Variants in ZNF385D observed in about 807,000 individuals in gnomAD.
The protein encoded by ZNF385D is zinc finger protein 385D.
In ZNF385D, 15 loss-of-function variants were observed where a neutral mutation model predicts 35.8. That is an observed-to-expected ratio of 0.42 (90% CI 0.28 to 0.64). The LOEUF (loss-of-function observed/expected upper bound fraction) is 0.64. ZNF385D is among the 30% of genes least tolerant of loss of function. The probability of loss-of-function intolerance (pLI) is 0.23; values close to 1 mark genes in which losing one functional copy is unlikely to be tolerated. For missense variants in ZNF385D, 474 were observed against 494.6 expected (o/e 0.96, Z 0.39); for synonymous variants, 212 against 186.8 (o/e 1.13, Z -1.10).
intron 3 of ZNF385D, among the ~76,000 whole-genome samples, chr3:21,797,337 A>C (rs1305655451): frequency 6.6e-6 from 1 of 152,194 alleles, no homozygotes; most frequent in Non-Finnish European, 1.5e-5. Context: ...CACTAACAAC[A>C]TGAAACATTG....
At chr3:22,214,264 G>A (rs1697711482) in intron 2 of ZNF385D, among the ~76,000 whole-genome samples, 1 of 152,014 alleles carries the variant, frequency 6.6e-6, no homozygotes, top group Non-Finnish European at 1.5e-5. Flanking sequence ...GATTTCCTAT[G>A]CCTGTCTTTA....
chr3:21,897,433 G>A (rs1482839384), intron 3 of ZNF385D, among the ~76,000 whole-genome samples: 4 of 152,240 alleles, frequency 2.6e-5, no homozygotes, highest in South Asian at 2.1e-4. Flanking sequence ...GACTGTGGCG[G>A]CTATCCTTAT....
chr3:21,885,992 A>C (rs572371864), intron 3 of ZNF385D, among the ~76,000 whole-genome samples: 2 of 152,268 alleles, frequency 1.3e-5, no homozygotes, highest in African/African-American at 4.8e-5. Flanking sequence ...CCACTGATTT[A>C]AGTGTTAATC....
chr3:21,762,171 TCA>T (rs772373518), intron 3 of ZNF385D, among the ~76,000 whole-genome samples: 3 of 152,008 alleles, frequency 2.0e-5, no homozygotes, highest in Non-Finnish European at 4.4e-5. Flanking sequence ...GTCGCTGTGC[TCA>T]GTCTGTCTTC....
intron 2 of ZNF385D, among the ~76,000 whole-genome samples, chr3:22,292,430 TTTAA>T (rs1327416454): frequency 6.6e-6 from 1 of 152,106 alleles, no homozygotes; most frequent in Non-Finnish European, 1.5e-5. Flanking sequence ...CATTGTAGGC[TTTAA>T]TTAGTTTTTG....
At chr3:22,067,232 T>G (rs1700003860) in intron 3 of ZNF385D, among the ~76,000 whole-genome samples, 1 of 152,224 alleles carries the variant, frequency 6.6e-6, no homozygotes, top group South Asian at 2.1e-4. Flanking sequence ...CAGTTTCTTT[T>G]CTTTTATGAC....
intron 4 of ZNF385D, among the ~76,000 whole-genome samples, chr3:21,478,261 A>G (rs1359257181): frequency 3.3e-5 from 5 of 152,186 alleles, no homozygotes; most frequent in Admixed American, 3.3e-4. Flanking sequence ...TGTTCAAAAT[A>G]TTCAAATATT....
At chr3:21,628,189 G>C (rs952096243) in intron 2 of ZNF385D, among the ~76,000 whole-genome samples, 2 of 152,028 alleles carry the variant, frequency 1.3e-5, no homozygotes, top group African/African-American at 4.8e-5. Flanking sequence ...AGCTAAAATT[G>C]AGTAAAAGGC....
chr3:21,649,440 A>C (rs1301798637), intron 2 of ZNF385D, among the ~76,000 whole-genome samples: 1 of 152,062 alleles, frequency 6.6e-6, no homozygotes, highest in African/African-American at 2.4e-5. Context: ...AAATTTGCTA[A>C]ATTTTGCCCA....
intron 3 of ZNF385D, among the ~76,000 whole-genome samples, chr3:21,831,310 G>T (rs1158309719): frequency 6.6e-6 from 1 of 152,076 alleles, no homozygotes; most frequent in Admixed American, 6.6e-5. Context: ...TTACCTCACG[G>T]GAATGCTATG....
chr3:21,631,901 T>G (rs748791809), intron 2 of ZNF385D, among the ~76,000 whole-genome samples: 1 of 152,086 alleles, frequency 6.6e-6, no homozygotes, highest in African/African-American at 2.4e-5. Flanking sequence ...ACAAAAGCAT[T>G]TCATTGAAGC....
chr3:21,455,565 C>T (rs1559462639), intron 4 of ZNF385D, among the ~76,000 whole-genome samples: 1 of 152,188 alleles, frequency 6.6e-6, no homozygotes. Flanking sequence ...CCCTTCCTTA[C>T]ACCTTTTACA....
At chr3:21,459,271 T>C (rs912414936) in intron 4 of ZNF385D, 5 of 152,202 alleles carry the variant, frequency 3.3e-5, no homozygotes, top group Non-Finnish European at 7.3e-5. Context: ...TTATAACACC[T>C]TGTCTATATT....
At position 21,465,959 on chromosome 3, in the gene ZNF385D, A is replaced by G. The variant is rs1373603131; in HGVS notation, c.440-28756T>C. ...CATAAATGTGCTAGGCATCTCCACT[A>G]GGGTTTGCAAAAATCTTAGAAAAGT... On this transcript the variant is annotated intron_variant, in intron 4 of 7. Transcript: ENST00000281523. The surrounding 1 kb of genome is among the most constrained non-coding windows in gnomAD (Gnocchi z 4.2). 1.3e-5 allele frequency among the ~76,000 whole-genome samples: 2 copies of G among 152,156 alleles called. No homozygotes were observed. The highest frequency in any genetic ancestry group is 2.9e-5 in the Non-Finnish European group (2 of 68,024).
intron 2 of ZNF385D, among the ~76,000 whole-genome samples, chr3:21,574,666 A>G (rs1347833262): frequency 2.0e-5 from 3 of 152,084 alleles, no homozygotes; most frequent in Non-Finnish European, 4.4e-5. Flanking sequence ...AAAATCTTTG[A>G]GAGGATTTAG....
At chr3:22,323,858 A>G (rs1694554987) in intron 2 of ZNF385D, among the ~76,000 whole-genome samples, 1 of 152,188 alleles carries the variant, frequency 6.6e-6, no homozygotes, top group Non-Finnish European at 1.5e-5. Context: ...AAGTGAGGAA[A>G]ATTGCTAAAA....
chr3:22,004,851 T>G (rs115942295), intron 3 of ZNF385D, among the ~76,000 whole-genome samples: 1,856 of 152,138 alleles, frequency 0.012, 34 homozygotes, highest in African/African-American at 0.042. Flanking sequence ...AATGTACATC[T>G]CACATATATT....
At chr3:21,483,190 T>C (rs961265832) in intron 4 of ZNF385D, among the ~76,000 whole-genome samples, 4 of 152,200 alleles carry the variant, frequency 2.6e-5, no homozygotes, top group Admixed American at 1.3e-4. Context: ...GGAACTATGC[T>C]ATGTCTTCAA....
chr3:21,454,583 C>A (rs1909963), intron 4 of ZNF385D, among the ~76,000 whole-genome samples: 8 of 151,950 alleles, frequency 5.3e-5, no homozygotes, highest in Middle Eastern at 6.8e-3. Flanking sequence ...ATTGATGGGA[C>A]GTATCTCAAA....
Sources: gnomAD v4.1 joint callset for allele counts (sites outside exome capture counted in the v4.1 genomes callset) on GRCh38, gnomAD v4.1.1 for gene constraint, Gnocchi (gnomAD v3.1) non-coding constraint, MANE v1.5 for transcripts, NCBI Gene and HGNC (gene_info 2026-07-23, HGNC 2026-07-21) for gene names.